The following ZCCHC14 variants were observed in gnomAD, a reference collection of about 807,000 sequenced individuals.
ZCCHC14 encodes the protein zinc finger CCHC-type containing 14.
Under a neutral mutation model 85.0 loss-of-function variants are expected in ZCCHC14, and 16 were observed. The observed-to-expected ratio is 0.19, with a 90% CI of 0.13 to 0.29. The LOEUF is 0.29. Among genes scored for constraint, ZCCHC14 ranks in the 10% least tolerant of loss-of-function variants. ZCCHC14 has a pLI of 1.00. For synonymous variants in ZCCHC14, 775 were observed against 630.7 expected (o/e 1.23, Z -3.43); for missense variants, 1,303 against 1,443.5 (o/e 0.90, Z 1.58).
chr16:87,431,006 G>A (rs1211696488), intron 3 of ZCCHC14, among the ~76,000 whole-genome samples: 3 of 152,202 alleles, frequency 2.0e-5, no homozygotes, highest in Non-Finnish European at 4.4e-5. Flanking sequence ...TGGGTATGGT[G>A]GCATGTGCCT....
rs780330811 is a variant in ZCCHC14, at chr16:87,411,703, C to A, written c.3018G>T (p.Thr1006=). 1 of 1,614,086 alleles carries A rather than the reference C, an allele frequency of 6.2e-7. No individual in the cohort carries two copies. The highest frequency in any genetic ancestry group is 8.5e-7 in the Non-Finnish European group (1 of 1,180,026). Residue 1006 remains threonine (T), a synonymous_variant, in exon 12 of 13, where the codon ACG becomes ACT. Coordinates refer to ENST00000671377, the MANE Select transcript of ZCCHC14 (RefSeq NM_015144.3). ...AGTTCTGCATGGGTGGCACGGCAAA[C>A]GTGGACTGCCCACTCAGGACAGGGT... ...TPDPVLSGQS[T]FAVPPMQNFM...
rs749959010 is a variant in ZCCHC14 at position 87,417,665 on chromosome 16, G to A, written c.1178C>T (p.Ala393Val). The A allele has an allele frequency of 6.2e-7, 1 of 1,612,212 alleles. No individual in the cohort carries two copies. Among genetic ancestry groups the A allele is most frequent in the African/African-American group, 1.3e-5 (1 of 74,916 alleles). ...QHHGQHPAGS[A>V]APLPHCSHAG... is the part of the protein sequence containing the mutation. ...ATGGGAGCAGTGAGGCAAGGGGGCGGCGGAGCCGGCCGGGTGCTGCCCGTG... is the reference window on the plus strand; with the variant it reads ...ATGGGAGCAGTGAGGCAAGGGGGCGACGGAGCCGGCCGGGTGCTGCCCGTG... Residue 393 changes from alanine (A) to valine (V), a missense_variant, in exon 8 of 13, where the codon GCC (alanine) becomes GTC (valine). By Grantham distance (64) the Ala-to-Val change is moderately conservative. Around this residue, in one of 7 missense-constraint regions of ZCCHC14, gnomAD observed 389 missense variants for 397.8 expected, o/e 0.98. Transcript: ENST00000671377.
chr16:87,480,156 C>A (rs1046764297), intron 1 of ZCCHC14, among the ~76,000 whole-genome samples: 1 of 151,982 alleles, frequency 6.6e-6, no homozygotes, highest in South Asian at 2.1e-4. Context: ...GTAATCCCAG[C>A]GCTTTGGGAG....
chr16:87,461,237 G>C (rs1014265639), intron 1 of ZCCHC14, among the ~76,000 whole-genome samples: 3 of 152,244 alleles, frequency 2.0e-5, no homozygotes, highest in African/African-American at 4.8e-5. Context: ...GTGATGGTGT[G>C]AATGTGGAAT....
At chr16:87,455,202 C>T (rs1910894132) in intron 2 of ZCCHC14, among the ~76,000 whole-genome samples, 1 of 152,138 alleles carries the variant, frequency 6.6e-6, no homozygotes, top group African/African-American at 2.4e-5. Context: ...GCAGGAGAAT[C>T]ACTTGACCCC....
intron 1 of ZCCHC14, among the ~76,000 whole-genome samples, chr16:87,481,060 A>C (rs113059564): frequency 3.9e-5 from 6 of 152,116 alleles, no homozygotes; most frequent in African/African-American, 1.2e-4. Context: ...ACACAAGGGA[A>C]CTGATGTCAG....
At position 87,491,760 on chromosome 16, in the gene ZCCHC14, A is replaced by C. The variant is rs1451393737; in HGVS notation, c.479T>G (p.Ile160Ser). The stretch of plus-strand genomic sequence containing the variant: ...CCCGCCGCCGTTCAGGCTGCTCTGG[A>C]TCTGCGTGAGCTCCTGGCGCAGCAC... The part of the protein sequence containing the change: ...KQVLRQELTQ[I>S]QSSLNGGGGH... Residue 160 changes from isoleucine to serine, a missense_variant, in exon 1 of 13, where the codon ATC becomes AGC. Around this residue, in one of 7 missense-constraint regions of ZCCHC14, gnomAD observed 389 missense variants for 397.8 expected, o/e 0.98. Transcript: ENST00000671377. The surrounding 1 kb of genome is among the most constrained non-coding windows in gnomAD (Gnocchi z 5.9). 1 of 1,585,926 alleles carries C rather than the reference A, an allele frequency of 6.3e-7. No individual in the cohort carries two copies. The highest frequency in any genetic ancestry group is 2.4e-5 in the East Asian group (1 of 41,680).
chr16:87,476,332 A>T (rs1036122068), intron 1 of ZCCHC14, among the ~76,000 whole-genome samples: 2 of 152,234 alleles, frequency 1.3e-5, no homozygotes, highest in African/African-American at 4.8e-5. Context: ...GAAAAAAGGT[A>T]AATATGTGAG....
intron 1 of ZCCHC14, chr16:87,472,035 A>G (rs1453833237): frequency 6.6e-6 from 1 of 151,966 alleles, no homozygotes; most frequent in African/African-American, 2.4e-5. Context: ...ACCCTCCACT[A>G]AAAAAAACAA....
intron 2 of ZCCHC14, among the ~76,000 whole-genome samples, chr16:87,449,695 T>C (rs184702517): frequency 6.6e-5 from 10 of 152,312 alleles, no homozygotes; most frequent in African/African-American, 2.4e-4. Context: ...AAAATTATGC[T>C]TAAAAAATCA....
Position 87,491,340 on chromosome 16 carries a change from G to A in ZCCHC14, c.570+329C>T, listed in dbSNP as rs1199183865. 2.0e-5 allele frequency among the ~76,000 whole-genome samples: 3 copies of A among 152,206 alleles called. No homozygotes were observed. Among genetic ancestry groups the A allele is most frequent in the Non-Finnish European group, 4.4e-5 (3 of 68,032 alleles). On this transcript the variant is annotated intron_variant, in intron 1 of 12. Transcript: ENST00000671377. The surrounding 1 kb of genome is among the most constrained non-coding windows in gnomAD (Gnocchi z 5.9). ...CTCAGGGCCGCGGTGCGGTCTTGGG[G>A]CTTAAAGTGCAGACTTAGGGTGAGG...
intron 2 of ZCCHC14, among the ~76,000 whole-genome samples, chr16:87,438,233 G>A (rs941618210): frequency 4.6e-5 from 7 of 152,272 alleles, no homozygotes; most frequent in African/African-American, 1.2e-4. Flanking sequence ...CGACCCAGCC[G>A]GCTGGACGGC....
chr16:87,406,617 T>C lies in ZCCHC14; in HGVS notation c.*3663A>G, dbSNP rs967106527. Reference sequence around the variant, plus strand: ...TTTTTGTGCACGTAAGACTCACACATGTGATGAGGGCTTGTTACAACGCAC... The same window carrying C: ...TTTTTGTGCACGTAAGACTCACACACGTGATGAGGGCTTGTTACAACGCAC... On this transcript the variant is annotated 3_prime_UTR_variant, in exon 13 of 13. Transcript: ENST00000671377. The C allele has an allele frequency of 1.3e-5, 2 of 152,226 alleles. No individual in the cohort carries two copies. The highest frequency in any genetic ancestry group is 2.9e-5 in the Non-Finnish European group (2 of 67,998). 9.4% of individuals were successfully genotyped at this position (152,226 alleles called of 1,614,324 possible).
At chr16:87,467,364 G>GTAAT (rs1911572284) in intron 1 of ZCCHC14, 5 of 1,597,800 alleles carry the variant, frequency 3.1e-6, no homozygotes, top group Admixed American at 1.7e-5. Flanking sequence ...CACCCCTGGG[G>GTAAT]TAATTAAGCA....
Position 87,419,850 on chromosome 16 carries a change from C to A in ZCCHC14, c.978G>T (p.Val326=). The change falls in exon 6 of 13, where the codon GTG becomes GTT. Residue 326 remains valine, a synonymous_variant. Transcript: ENST00000671377. ...LRYLASLPSH[V]LKNDHVRRFL... ...ACCTCCTGACATGGTCATTTTTCAA[C>A]ACGTGAGAAGGTAATGAGGCCAGGT... 6.2e-7 allele frequency: 1 copy of A among 1,612,280 alleles called. No homozygotes were observed. Among genetic ancestry groups the A allele is most frequent in the Non-Finnish European group, 8.5e-7 (1 of 1,179,218 alleles).
intron 2 of ZCCHC14, among the ~76,000 whole-genome samples, chr16:87,456,895 TTCAC>T (rs1297139057): frequency 1.3e-5 from 2 of 152,234 alleles, no homozygotes; most frequent in African/African-American, 4.8e-5. Flanking sequence ...GTATACCTCC[TTCAC>T]TGTCTCACAA....
In ZCCHC14 at chr16:87,449,352, T is replaced by C. The variant is rs533842397; in HGVS notation, c.694+10656A>G. 3.3e-5 allele frequency among the ~76,000 whole-genome samples: 5 copies of C among 152,016 alleles called. No individual in the cohort carries two copies. In the South Asian group the frequency reaches 8.3e-4, roughly 25 times the overall value. ...AACTCTGAAGAGAAGTAGAAAGGGA[T>C]AGATGCAGGGAAGAGAGGGTGAGGG... On this transcript the variant is annotated intron_variant, in intron 2 of 12. Transcript: ENST00000671377.
At chr16:87,482,773 G>C (rs1034822414) in intron 1 of ZCCHC14, among the ~76,000 whole-genome samples, 5 of 152,120 alleles carry the variant, frequency 3.3e-5, no homozygotes, top group African/African-American at 1.2e-4. Flanking sequence ...GGGACAAATG[G>C]GCTGTCATCT....
chr16:87,445,995 T>G (rs1180683071), intron 2 of ZCCHC14, among the ~76,000 whole-genome samples: 2 of 152,058 alleles, frequency 1.3e-5, no homozygotes, highest in Non-Finnish European at 2.9e-5. Flanking sequence ...ATCGACAGTA[T>G]TTTTCTTAAA....
Sources: gnomAD v4.1 joint callset for allele counts (sites outside exome capture counted in the v4.1 genomes callset) on GRCh38, gnomAD v4.1.1 for gene constraint, gnomAD v4.1.1 regional missense constraint, Gnocchi (gnomAD v3.1) non-coding constraint, MANE v1.5 for transcripts, NCBI Gene and HGNC (gene_info 2026-07-23, HGNC 2026-07-21) for gene names.